The following LRP1B variants were observed in gnomAD, a reference collection of about 807,000 sequenced individuals.
The protein encoded by LRP1B is low-density lipoprotein receptor-related protein 1B.
A neutral mutation model predicts 556.6 loss-of-function variants in LRP1B; 217 were observed. The ratio of observed to expected loss-of-function variants is 0.39; its 90% CI spans 0.35 to 0.44. LRP1B has a LOEUF of 0.44. Among genes scored for constraint, LRP1B ranks in the 20% least tolerant of loss-of-function variants. The pLI is 1.00. For missense variants in LRP1B, 5,053 were observed against 5,620.8 expected (o/e 0.90, Z 3.23); for synonymous variants, 2,047 against 1,865.8 (o/e 1.10, Z -2.50).
chr2:140,324,363 C>T (rs1345932868), intron 80 of LRP1B, among the ~76,000 whole-genome samples: 1 of 151,974 alleles, frequency 6.6e-6, no homozygotes, highest in East Asian at 1.9e-4. Flanking sequence ...ATCCTCTCTG[C>T]TATGCAGTTG....
At chr2:141,607,630 T>C (rs1687964668) in intron 2 of LRP1B, among the ~76,000 whole-genome samples, 1 of 152,116 alleles carries the variant, frequency 6.6e-6, no homozygotes, top group South Asian at 2.1e-4. Context: ...TAAAAATAAA[T>C]TGTTTAGGCC....
At chr2:141,968,437 G>A (rs900571629) in intron 1 of LRP1B, among the ~76,000 whole-genome samples, 4 of 148,538 alleles carry the variant, frequency 2.7e-5, no homozygotes, top group African/African-American at 9.9e-5. Flanking sequence ...CATTTTTTTT[G>A]CTTGCAATCC....
intron 41 of LRP1B, among the ~76,000 whole-genome samples, chr2:140,672,831 C>T (rs1685536544): frequency 6.6e-6 from 1 of 152,156 alleles, no homozygotes; most frequent in African/African-American, 2.4e-5. Flanking sequence ...CACCATTAAA[C>T]AAGAGGCCCC....
At chr2:142,124,586 G>A (rs1012472042) in intron 1 of LRP1B, among the ~76,000 whole-genome samples, 2 of 148,634 alleles carry the variant, frequency 1.3e-5, no homozygotes, top group Non-Finnish European at 3.0e-5. Flanking sequence ...AAAAAGTAAA[G>A]ACAAAAAGAA....
At chr2:140,233,863 T>C (rs1439134973) in intron 90 of LRP1B, among the ~76,000 whole-genome samples, 1 of 151,368 alleles carries the variant, frequency 6.6e-6, no homozygotes, top group African/African-American at 2.4e-5. Flanking sequence ...AACCTGTGTG[T>C]ACTTATTAGA....
At chr2:142,018,907 T>G (rs1395489936) in intron 1 of LRP1B, among the ~76,000 whole-genome samples, 1 of 152,098 alleles carries the variant, frequency 6.6e-6, no homozygotes, top group East Asian at 1.9e-4. Flanking sequence ...TAATTGTCTG[T>G]AAAGATCTTG....
At chr2:142,011,203 A>G (rs1242347795) in intron 1 of LRP1B, among the ~76,000 whole-genome samples, 1 of 152,168 alleles carries the variant, frequency 6.6e-6, no homozygotes, top group Admixed American at 6.5e-5. Flanking sequence ...TATTGCTTCA[A>G]TTTTATATCT....
chr2:140,438,497 G>A (rs1051298990), intron 66 of LRP1B, among the ~76,000 whole-genome samples: 3 of 152,172 alleles, frequency 2.0e-5, no homozygotes, highest in Non-Finnish European at 2.9e-5. Context: ...GCTTATAACT[G>A]TAGCTTGAGT....
chr2:141,601,559 C>T (rs1027667541), intron 2 of LRP1B, among the ~76,000 whole-genome samples: 1 of 151,814 alleles, frequency 6.6e-6, no homozygotes, highest in African/African-American at 2.4e-5. Flanking sequence ...CACTTCTAGA[C>T]TATATTAGTA....
chr2:141,226,410 A>T (rs1265228637), intron 6 of LRP1B, among the ~76,000 whole-genome samples: 1 of 152,142 alleles, frequency 6.6e-6, no homozygotes, highest in Admixed American at 6.6e-5. Flanking sequence ...CAATTTTTTT[A>T]AAATATTGCA....
At chr2:141,613,179 A>C (rs1191682719) in intron 2 of LRP1B, among the ~76,000 whole-genome samples, 1 of 151,774 alleles carries the variant, frequency 6.6e-6, no homozygotes, top group African/African-American at 2.4e-5. Flanking sequence ...TTGCCTGTTA[A>C]ATTTCTTGGC....
At chr2:141,496,792 A>G (rs956501747) in intron 2 of LRP1B, among the ~76,000 whole-genome samples, 1 of 152,042 alleles carries the variant, frequency 6.6e-6, no homozygotes, top group African/African-American at 2.4e-5. Flanking sequence ...AGAAGAAAAG[A>G]ATAGAAAAGA....
intron 41 of LRP1B, among the ~76,000 whole-genome samples, chr2:140,657,279 C>A (rs572566230): frequency 1.3e-5 from 2 of 151,680 alleles, no homozygotes; most frequent in South Asian, 2.1e-4. Flanking sequence ...GTAGGCAGTG[C>A]GGTAGAAAAC....
At chr2:140,456,067 C>A (rs551418696) in intron 62 of LRP1B, among the ~76,000 whole-genome samples, 3 of 152,086 alleles carry the variant, frequency 2.0e-5, no homozygotes, top group African/African-American at 7.2e-5. Flanking sequence ...GAGACTTACT[C>A]TCTATTGAAT....
At chr2:141,915,906 T>C (rs1041239429) in intron 1 of LRP1B, among the ~76,000 whole-genome samples, 1 of 152,288 alleles carries the variant, frequency 6.6e-6, no homozygotes, top group South Asian at 2.1e-4. Flanking sequence ...TCAGAGTGTC[T>C]ATTATTACAA....
At chr2:140,998,197 C>T (rs1376025502) in intron 15 of LRP1B, among the ~76,000 whole-genome samples, 1 of 151,972 alleles carries the variant, frequency 6.6e-6, no homozygotes, top group South Asian at 2.1e-4. Context: ...CAATGCTGTC[C>T]CTTGGATAAC....
At chr2:140,590,530 T>G (rs981700176) in intron 43 of LRP1B, among the ~76,000 whole-genome samples, 2 of 149,060 alleles carry the variant, frequency 1.3e-5, no homozygotes, top group Non-Finnish European at 3.0e-5. Context: ...GTTACTAATT[T>G]TATAGAATTT....
intron 7 of LRP1B, among the ~76,000 whole-genome samples, chr2:141,135,091 C>G (rs7558148): frequency 0.99 from 150,954 of 151,944 alleles, 74,994 homozygotes; most frequent in Middle Eastern, 1. Flanking sequence ...AAGTGTGTGC[C>G]TGTGTGAGTG....
At chr2:140,408,749 C>T (rs1487040974) in intron 66 of LRP1B, among the ~76,000 whole-genome samples, 1 of 151,858 alleles carries the variant, frequency 6.6e-6, no homozygotes. Context: ...CCTAAAGCTG[C>T]AACATGTCTA....
Sources: gnomAD v4.1 joint callset for allele counts (sites outside exome capture counted in the v4.1 genomes callset) on GRCh38, gnomAD v4.1.1 for gene constraint, MANE v1.5 for transcripts, NCBI Gene and HGNC (gene_info 2026-07-23, HGNC 2026-07-21) for gene names.